Variants in RBL1 observed in about 807,000 individuals in gnomAD.
RBL1 encodes RB transcriptional corepressor like 1, also known as retinoblastoma-like protein 1.
Under a neutral mutation model 123.0 loss-of-function variants are expected in RBL1, and 82 were observed. That is an observed-to-expected ratio of 0.67 (90% CI 0.56 to 0.80). The LOEUF (loss-of-function observed/expected upper bound fraction) is 0.80, where lower values mean the gene tolerates loss of function less well. Ranked by LOEUF, RBL1 falls within the 30% of genes least tolerant of loss-of-function variation. The probability of loss-of-function intolerance (pLI) is 0.00; values close to 1 mark genes in which losing one functional copy is unlikely to be tolerated. For missense variants in RBL1, 1,171 were observed against 1,299.6 expected (o/e 0.90, Z 1.52); for synonymous variants, 405 against 441.3 (o/e 0.92, Z 1.03).
At chr20:37,068,995 C>G (rs968866375) in intron 2 of RBL1, among the ~76,000 whole-genome samples, 1 of 152,242 alleles carries the variant, frequency 6.6e-6, no homozygotes, top group African/African-American at 2.4e-5. Context: ...ATTGCAGGCT[C>G]GGGCCGCCAC....
intron 19 of RBL1, among the ~76,000 whole-genome samples, chr20:37,016,036 T>C (rs1428571133): frequency 6.8e-6 from 1 of 147,740 alleles, no homozygotes; most frequent in African/African-American, 2.5e-5. Context: ...TTTTTTTTTT[T>C]TTTTTTCTTG....
chr20:37,070,300 C>G (rs1229985687), intron 2 of RBL1, among the ~76,000 whole-genome samples: 1 of 152,028 alleles, frequency 6.6e-6, no homozygotes, highest in Non-Finnish European at 1.5e-5. Flanking sequence ...TCACCACTCC[C>G]TAATCGCAAG....
chr20:36,998,902 T>A lies in RBL1; in HGVS notation c.3064A>T (p.Arg1022Trp). ...KSLKDINNMI[R>W]QGEQRTKKRV... ...TTCTTGGTTCTCTGCTCACCTTGCC[T>A]TATCATGTTGTTGATATCTTTCAAA... The change falls in exon 22 of 22, where the codon AGG (arginine) becomes TGG (tryptophan). Residue 1022 changes from arginine to tryptophan, a missense_variant. By Grantham distance (101) the Arg-to-Trp change is moderately radical (BLOSUM62 -3). Coordinates refer to ENST00000373664, the MANE Select transcript of RBL1 (RefSeq NM_002895.5). 6.2e-7 allele frequency: 1 copy of A among 1,613,294 alleles called. No individual in the cohort carries two copies. Among genetic ancestry groups the A allele is most frequent in the Non-Finnish European group, 8.5e-7 (1 of 1,179,656 alleles).
At chr20:37,019,139 G>A (rs573661283) in intron 18 of RBL1, among the ~76,000 whole-genome samples, 33 of 151,934 alleles carry the variant, frequency 2.2e-4, no homozygotes, top group Non-Finnish European at 2.9e-4. Context: ...GACCTCCTGG[G>A]CTCAGGCAAT....
At chr20:37,066,658 AT>A (rs1181115866) in intron 6 of RBL1, 65 bp downstream of exon 6, 6 of 1,474,654 alleles carry the variant, frequency 4.1e-6, no homozygotes, top group African/African-American at 2.8e-5. Context: ...TGCTTAAAAC[AT>A]TTTTTTCTTT....
chr20:37,050,730 G>T (rs912762756), intron 11 of RBL1, among the ~76,000 whole-genome samples: 1 of 151,336 alleles, frequency 6.6e-6, no homozygotes, highest in Non-Finnish European at 1.5e-5. Flanking sequence ...AGAACTGCAG[G>T]GCATGAATTT....
chr20:37,088,618 G>A (rs558193846), intron 2 of RBL1, among the ~76,000 whole-genome samples: 93 of 152,064 alleles, frequency 6.1e-4, no homozygotes, highest in Non-Finnish European at 1.2e-3. Context: ...ACTTTGGGAG[G>A]TTGAGGTGGG....
intron 1 of RBL1, among the ~76,000 whole-genome samples, chr20:37,094,755 G>A (rs1173464704): frequency 6.6e-6 from 1 of 152,152 alleles, no homozygotes; most frequent in Non-Finnish European, 1.5e-5. Context: ...TCCTGCCTCA[G>A]CCTCCCGAGT....
chr20:37,000,517 G>C (rs2063954634), intron 21 of RBL1, among the ~76,000 whole-genome samples: 1 of 142,440 alleles, frequency 7.0e-6, no homozygotes. Context: ...GAGGTGAGGG[G>C]CGCCTCTGCC....
In RBL1 at chr20:37,068,098, T is replaced by C. The variant is rs760684705; in HGVS notation, c.379A>G (p.Arg127Gly). The C allele has an allele frequency of 6.2e-7, 1 of 1,613,706 alleles. No individual in the cohort carries two copies. The change falls in exon 3 of 22, where the codon AGA becomes GGA. Residue 127 changes from arginine to glycine, a missense_variant. By Grantham distance (125) the Arg-to-Gly change is moderately radical. Transcript: ENST00000373664. ...ATTACAGTAGACACCTCAAAATTTC[T>C]CTCTAGCCTTTCTATACGTTCACGA... ...EFRERIERLE[R>G]NFEVSTVIFK...
intron 11 of RBL1, among the ~76,000 whole-genome samples, chr20:37,051,813 T>C (rs759176926): frequency 5.3e-5 from 8 of 151,478 alleles, no homozygotes; most frequent in Non-Finnish European, 1.0e-4. Flanking sequence ...AATTTACTAA[T>C]TAAATGACAG....
chr20:37,023,144 TG>T (rs1364989305), intron 16 of RBL1, among the ~76,000 whole-genome samples: 1 of 151,712 alleles, frequency 6.6e-6, no homozygotes, highest in Non-Finnish European at 1.5e-5. Context: ...TTTTCTTAGG[TG>T]GATTCTCGCT....
chr20:37,082,072 C>A, intron 2 of RBL1: 1 of 454,046 alleles, frequency 2.2e-6, no homozygotes, highest in Non-Finnish European at 4.4e-6. Context: ...CCGGGGGAGC[C>A]TGCAAGGCTG....
chr20:37,047,919 G>T (rs2064843449), intron 11 of RBL1, among the ~76,000 whole-genome samples: 1 of 152,084 alleles, frequency 6.6e-6, no homozygotes, highest in Non-Finnish European at 1.5e-5. Context: ...GGCAGAGGTT[G>T]CAATGAGCCA....
chr20:37,055,080 T>C (rs2064981292), intron 11 of RBL1, among the ~76,000 whole-genome samples: 1 of 151,904 alleles, frequency 6.6e-6, no homozygotes, highest in Admixed American at 6.6e-5. Flanking sequence ...AGGGAAATAA[T>C]GAAGGAGGAG....
In RBL1 at chr20:37,060,173, A is replaced by AAAATAAATAAAT. The variant is rs11473427; in HGVS notation, c.1250+918_1250+929dup. ...GGCAACAAGAGTGAAACTCTGTCTC[A>AAAATAAATAAAT]AAATAAATAAATAAATAAATAAATA... On this transcript the variant is annotated intron_variant, in intron 9 of 21. Transcript: ENST00000373664. Among the ~76,000 whole-genome samples, 1,163 of 146,382 alleles carry AAAATAAATAAAT rather than the reference A, an allele frequency of 7.9e-3. 15 individuals carry two copies. Among genetic ancestry groups the AAAATAAATAAAT allele is most frequent in the African/African-American group, 0.017 (683 of 39,520 alleles).
intron 15 of RBL1, 124 bp from the exon 16 acceptor site, chr20:37,033,000 C>A: frequency 3.2e-5 from 39 of 1,217,858 alleles, no homozygotes; most frequent in Non-Finnish European, 3.7e-5. Context: ...AATAGTAATT[C>A]TAGGTTATGA....
chr20:37,056,056 G>T, intron 10 of RBL1, 90 bp downstream of exon 10: 3 of 1,473,166 alleles, frequency 2.0e-6, no homozygotes, highest in South Asian at 1.3e-5. Flanking sequence ...AAAGAAATAA[G>T]AATAACGGGA....
intron 9 of RBL1, among the ~76,000 whole-genome samples, chr20:37,057,793 G>A (rs548018982): frequency 1.3e-4 from 19 of 151,958 alleles, no homozygotes; most frequent in East Asian, 7.7e-4. Context: ...GTTGGAGATC[G>A]GCCTGGCCAA....
Sources: allele counts gnomAD v4.1 joint callset (sites outside exome capture counted in the v4.1 genomes callset), GRCh38; gene constraint gnomAD v4.1.1; transcripts MANE v1.5; gene names NCBI Gene and HGNC (gene_info 2026-07-23, HGNC 2026-07-21).